Variants in AKAP10 observed in about 807,000 individuals in gnomAD.
AKAP10 encodes A-kinase anchoring protein 10.
In AKAP10, 24 loss-of-function variants were observed where a neutral mutation model predicts 80.8. The ratio of observed to expected loss-of-function variants is 0.30; its 90% CI spans 0.22 to 0.42. AKAP10 has a LOEUF of 0.42. AKAP10 is among the 10% of genes least tolerant of loss of function. The pLI, the probability that AKAP10 is intolerant of heterozygous loss-of-function variation, is 1.00. For missense variants in AKAP10, 661 were observed against 794.9 expected (o/e 0.83, Z 2.03); for synonymous variants, 291 against 277.7 (o/e 1.05, Z -0.48).
In AKAP10 at chr17:19,931,811, C is replaced by T. The variant is rs751387167; in HGVS notation, c.1635G>A (p.Ala545=). 2.5e-5 allele frequency: 41 copies of T among 1,612,852 alleles called. No homozygotes were observed. Among genetic ancestry groups the T allele is most frequent in the Non-Finnish European group, 3.2e-5 (38 of 1,179,746 alleles). Residue 545 remains alanine, a synonymous_variant, in exon 10 of 15, where the codon GCG becomes GCA. Coordinates refer to ENST00000225737, the MANE Select transcript of AKAP10 (RefSeq NM_007202.4). ...ESHPGSSDSS[A]SQSSVKKASI... ...AGACGCAATCAGTCAATACCTGAGA[C>T]GCAGAGCTGTCAGAACTCCCTGGGT...
intron 9 of AKAP10, among the ~76,000 whole-genome samples, chr17:19,932,302 A>G (rs2042944021): frequency 6.6e-6 from 1 of 151,886 alleles, no homozygotes; most frequent in Non-Finnish European, 1.5e-5. Context: ...AACTATAAAA[A>G]TTAGCTAGGC....
At chr17:19,963,933 A>C (rs2043384426) in intron 2 of AKAP10, among the ~76,000 whole-genome samples, 1 of 152,130 alleles carries the variant, frequency 6.6e-6, no homozygotes, top group African/African-American at 2.4e-5. Context: ...CACACTAAAA[A>C]TTCATAAAAT....
chr17:19,932,449 TAA>T (rs764580259), intron 9 of AKAP10, among the ~76,000 whole-genome samples: 17 of 98,764 alleles, frequency 1.7e-4, no homozygotes, highest in Admixed American at 2.3e-4. Flanking sequence ...CAAGACTGTC[TAA>T]AAAAAAAAAA....
At chr17:19,970,872 G>A (rs945066721) in intron 1 of AKAP10, among the ~76,000 whole-genome samples, 1 of 151,690 alleles carries the variant, frequency 6.6e-6, no homozygotes, top group African/African-American at 2.4e-5. Context: ...TTCCATGTAC[G>A]TTTTTTGACT....
At chr17:19,932,434 T>C (rs1178401036) in intron 9 of AKAP10, among the ~76,000 whole-genome samples, 2 of 136,876 alleles carry the variant, frequency 1.5e-5, no homozygotes, top group African/African-American at 2.8e-5. Context: ...GCCTGGACGC[T>C]GGAGCAAGAC....
intron 3 of AKAP10, among the ~76,000 whole-genome samples, chr17:19,960,055 T>C (rs994586789): frequency 6.6e-6 from 1 of 152,164 alleles, no homozygotes; most frequent in African/African-American, 2.4e-5. Context: ...AAGACCGGCC[T>C]GGGGAACATA....
intron 11 of AKAP10, among the ~76,000 whole-genome samples, chr17:19,922,282 A>G (rs1385030504): frequency 6.6e-6 from 1 of 152,226 alleles, no homozygotes; most frequent in Admixed American, 6.5e-5. Context: ...AAGTGATCTT[A>G]TTTTAGAGAT....
intron 10 of AKAP10, among the ~76,000 whole-genome samples, chr17:19,929,096 G>C (rs780057188): frequency 9.2e-5 from 14 of 152,150 alleles, no homozygotes; most frequent in Non-Finnish European, 2.1e-4. Flanking sequence ...AAGACAGTTG[G>C]CAACAAAAGA....
At chr17:19,906,500 T>C (rs925489720) in intron 14 of AKAP10, among the ~76,000 whole-genome samples, 4 of 152,196 alleles carry the variant, frequency 2.6e-5, no homozygotes, top group African/African-American at 7.2e-5. Context: ...ATGTTGGCAA[T>C]AGATATTAGA....
At chr17:19,915,166 C>A (rs187475208) in intron 12 of AKAP10, among the ~76,000 whole-genome samples, 1 of 152,180 alleles carries the variant, frequency 6.6e-6, no homozygotes, top group Admixed American at 6.5e-5. Flanking sequence ...ATGTACAGAC[C>A]AATATACAGA....
At chr17:19,942,000 G>T in intron 5 of AKAP10, 90 bp from the exon 6 acceptor site, 3 of 991,332 alleles carry the variant, frequency 3.0e-6, no homozygotes, top group Non-Finnish European at 4.2e-6. Flanking sequence ...AACAGCACAG[G>T]CATATAAATT....
rs2043300929 is a variant in AKAP10, at chr17:19,958,068, T to C, written c.823A>G (p.Ser275Gly). The part of the protein sequence containing the change: ...QESSSTLTVA[S>G]RNSPASPLKE... ...AGTGGAGAAGCGGGACTATTTCTAC[T>C]GGCTACTGTAAGTGTAGAGGAAGAT... Residue 275 changes from serine (S) to glycine (G), a missense_variant, in exon 4 of 15, where the codon AGT (serine) becomes GGT (glycine). Ser to Gly is a moderately conservative substitution (Grantham distance 56). Transcript: ENST00000225737. 2 of 1,614,156 alleles carry C rather than the reference T, an allele frequency of 1.2e-6. No individual in the cohort carries two copies. The highest frequency in any genetic ancestry group is 1.3e-5 in the African/African-American group (1 of 75,068).
At chr17:19,909,318 A>C (rs772714422) in intron 13 of AKAP10, 42 bp from the exon 14 acceptor site, 17 of 1,495,206 alleles carry the variant, frequency 1.1e-5, no homozygotes, top group Non-Finnish European at 1.6e-5. Context: ...GTTATTCATT[A>C]GATGGATCGA....
intron 4 of AKAP10, among the ~76,000 whole-genome samples, chr17:19,950,646 T>C (rs2043190903): frequency 6.6e-6 from 1 of 152,212 alleles, no homozygotes; most frequent in Non-Finnish European, 1.5e-5. Flanking sequence ...AGTGGCGTGA[T>C]CTCAGCTCCC....
intron 14 of AKAP10, among the ~76,000 whole-genome samples, chr17:19,906,563 C>T (rs1169332975): frequency 1.3e-5 from 2 of 152,028 alleles, no homozygotes; most frequent in Non-Finnish European, 2.9e-5. Context: ...AGGAATTAAC[C>T]CTAGAGCATA....
intron 9 of AKAP10, among the ~76,000 whole-genome samples, chr17:19,935,009 CTCAATCAA>C (rs369344588): frequency 5.3e-5 from 8 of 151,826 alleles, no homozygotes; most frequent in South Asian, 2.1e-4. Context: ...GAAACTCTGT[CTCAATCAA>C]TCAATCAATC....
intron 5 of AKAP10, among the ~76,000 whole-genome samples, chr17:19,945,151 G>A (rs1453711282): frequency 6.6e-6 from 1 of 152,160 alleles, no homozygotes; most frequent in African/African-American, 2.4e-5. Context: ...ATCACAAAAT[G>A]TTATCAACTT....
rs74255379 is a variant in AKAP10, at chr17:19,934,673, G to A, written c.1467+1613C>T. ...TCATCAAAGTAACTTTGAGGTAAAC[G>A]TGCATATTATCGTCACTTTACAGAT... is the stretch of plus-strand genomic sequence containing the variant. On this transcript the variant is annotated intron_variant, in intron 9 of 14. Transcript: ENST00000225737. 2.7e-3 allele frequency among the ~76,000 whole-genome samples: 404 copies of A among 152,162 alleles called. 14 individuals carry two copies. In the East Asian group the frequency reaches 0.074, roughly 28 times the overall value.
At chr17:19,918,807 A>G (rs2042778300) in intron 12 of AKAP10, among the ~76,000 whole-genome samples, 1 of 152,248 alleles carries the variant, frequency 6.6e-6, no homozygotes, top group Non-Finnish European at 1.5e-5. Flanking sequence ...AATCAGTCAC[A>G]AAGAATGCAC....
Sources: allele counts gnomAD v4.1 joint callset (sites outside exome capture counted in the v4.1 genomes callset), GRCh38; gene constraint gnomAD v4.1.1; transcripts MANE v1.5; gene names NCBI Gene and HGNC (gene_info 2026-07-23, HGNC 2026-07-21).